Variants in BNC2 observed in about 807,000 individuals in gnomAD.
BNC2 encodes the protein basonuclin zinc finger protein 2, also known as zinc finger protein basonuclin-2.
A neutral mutation model predicts 76.3 loss-of-function variants in BNC2; 20 were observed. The ratio of observed to expected loss-of-function variants is 0.26; its 90% CI spans 0.18 to 0.38. The LOEUF is 0.38. BNC2 is among the 10% of genes least tolerant of loss of function. The pLI, the probability that BNC2 is intolerant of heterozygous loss-of-function variation, is 1.00. For synonymous variants in BNC2, 582 were observed against 514.8 expected (o/e 1.13, Z -1.77); for missense variants, 1,382 against 1,399.8 (o/e 0.99, Z 0.20).
intron 3 of BNC2, among the ~76,000 whole-genome samples, chr9:16,622,432 G>T (rs1184422876): frequency 6.6e-6 from 1 of 152,148 alleles, no homozygotes; most frequent in Non-Finnish European, 1.5e-5. Context: ...GAATATCTAT[G>T]CCTTAAGTGG....
At chr9:16,513,551 C>T (rs1822809115) in intron 5 of BNC2, among the ~76,000 whole-genome samples, 2 of 152,036 alleles carry the variant, frequency 1.3e-5, no homozygotes, top group Admixed American at 6.6e-5. Flanking sequence ...GTGATCCTCC[C>T]GCCTCGGCCT....
chr9:16,446,697 C>T (rs1490146489), intron 5 of BNC2, among the ~76,000 whole-genome samples: 1 of 152,004 alleles, frequency 6.6e-6, no homozygotes, highest in African/African-American at 2.4e-5. Context: ...GATTACGGAC[C>T]AGATAAGAAT....
intron 1 of BNC2, among the ~76,000 whole-genome samples, chr9:16,856,404 G>A (rs949729075): frequency 5.9e-5 from 9 of 152,082 alleles, no homozygotes; most frequent in African/African-American, 2.2e-4. Flanking sequence ...AAAGACCAAT[G>A]CACAGATATA....
intron 3 of BNC2, among the ~76,000 whole-genome samples, chr9:16,633,968 A>G (rs1005135027): frequency 1.3e-5 from 2 of 152,202 alleles, no homozygotes; most frequent in African/African-American, 4.8e-5. Flanking sequence ...GCAAAAGATA[A>G]AACTGTCACA....
chr9:16,475,533 G>A (rs530261046), intron 5 of BNC2, among the ~76,000 whole-genome samples: 2 of 152,282 alleles, frequency 1.3e-5, no homozygotes, highest in South Asian at 2.1e-4. Flanking sequence ...TTTTAATTTT[G>A]TTCTGCTCTA....
intron 3 of BNC2, among the ~76,000 whole-genome samples, chr9:16,672,463 C>G (rs1176184213): frequency 6.6e-6 from 1 of 152,106 alleles, no homozygotes; most frequent in Non-Finnish European, 1.5e-5. Context: ...TGCCACTGCA[C>G]TCCAGCCTGG....
intron 1 of BNC2, among the ~76,000 whole-genome samples, chr9:16,791,301 T>G (rs1411967087): frequency 1.3e-5 from 2 of 152,098 alleles, no homozygotes; most frequent in Non-Finnish European, 2.9e-5. Context: ...GACATCGTGA[T>G]CCGCCTGCCT....
intron 5 of BNC2, among the ~76,000 whole-genome samples, chr9:16,551,344 G>A (rs1375582060): frequency 2.6e-5 from 4 of 152,018 alleles, no homozygotes; most frequent in Admixed American, 1.3e-4. Context: ...CTAACAGCTG[G>A]AGGTACCACA....
chr9:16,657,598 T>C (rs902074617), intron 3 of BNC2, among the ~76,000 whole-genome samples: 2 of 152,160 alleles, frequency 1.3e-5, no homozygotes, highest in Non-Finnish European at 2.9e-5. Flanking sequence ...GAGGTGTGAC[T>C]TGGCCATCAG....
chr9:16,828,137 T>C (rs1481941790), intron 1 of BNC2, among the ~76,000 whole-genome samples: 1 of 152,146 alleles, frequency 6.6e-6, no homozygotes, highest in East Asian at 1.9e-4. Context: ...TTGACAGACA[T>C]AACCAGACAT....
chr9:16,493,270 T>C (rs558608309), intron 5 of BNC2, among the ~76,000 whole-genome samples: 1 of 152,162 alleles, frequency 6.6e-6, no homozygotes, highest in Non-Finnish European at 1.5e-5. Flanking sequence ...GGTTTTAGAC[T>C]CAGGAAACAG....
intron 1 of BNC2, among the ~76,000 whole-genome samples, chr9:16,749,511 G>A (rs1009540887): frequency 2.0e-5 from 3 of 152,038 alleles, no homozygotes; most frequent in Non-Finnish European, 4.4e-5. Context: ...ATCAGCCTGG[G>A]TAACAGAGTG....
intron 1 of BNC2, among the ~76,000 whole-genome samples, chr9:16,761,496 T>C (rs530770516): frequency 3.2e-4 from 48 of 152,330 alleles, no homozygotes; most frequent in African/African-American, 1.1e-3. Context: ...AAAACTATGA[T>C]ATAATCTAAG....
At chr9:16,567,392 A>T (rs1172326676) in intron 4 of BNC2, among the ~76,000 whole-genome samples, 1 of 152,204 alleles carries the variant, frequency 6.6e-6, no homozygotes, top group African/African-American at 2.4e-5. Context: ...TCAGTTTTCA[A>T]ATGTATAAAA....
At chr9:16,795,758 C>A (rs1016712374) in intron 1 of BNC2, among the ~76,000 whole-genome samples, 25 of 152,234 alleles carry the variant, frequency 1.6e-4, no homozygotes, top group African/African-American at 6.0e-4. Context: ...AAGACTTTTA[C>A]AGTAAAGAGA....
chr9:16,464,242 C>T (rs1373473653), intron 5 of BNC2, among the ~76,000 whole-genome samples: 2 of 151,992 alleles, frequency 1.3e-5, no homozygotes, highest in Non-Finnish European at 2.9e-5. Flanking sequence ...ATTTTCTCTC[C>T]AGGCTGATGT....
Position 16,804,891 on chromosome 9 carries a change from G to A in BNC2, c.3+65755C>T, listed in dbSNP as rs376096529. Among the ~76,000 whole-genome samples the A allele has an allele frequency of 5.3e-5, 8 of 151,856 alleles. No individual in the cohort carries two copies. The South Asian group carries it at 6.2e-4, about 12-fold the overall frequency. On this transcript the variant is annotated intron_variant, in intron 1 of 6. Coordinates refer to ENST00000380672, the MANE Select transcript of BNC2 (RefSeq NM_017637.6). ...AGCCTGGCCAATACAGTGAAACCCC[G>A]TCTCTACTAAAAATACAAAAATTAG... is the stretch of plus-strand genomic sequence containing the variant.
Position 16,807,560 on chromosome 9 carries a change from G to C in BNC2, c.3+63086C>G, listed in dbSNP as rs370443232. Among the ~76,000 whole-genome samples, 546 of 152,228 alleles carry C rather than the reference G, an allele frequency of 3.6e-3. 3 individuals are homozygous for C. Among genetic ancestry groups the C allele is most frequent in the African/African-American group, 0.012 (485 of 41,554 alleles). On this transcript the variant is annotated intron_variant, in intron 1 of 6. Transcript: ENST00000380672. ...AGAAAATGAGAAGGAGGTGGAGGGA[G>C]GGGAGGTCAACAGGGAAATGCTCCA... is the stretch of plus-strand genomic sequence containing the variant.
At chr9:16,621,510 A>G (rs1412991185) in intron 3 of BNC2, among the ~76,000 whole-genome samples, 1 of 152,210 alleles carries the variant, frequency 6.6e-6, no homozygotes, top group Non-Finnish European at 1.5e-5. Flanking sequence ...ATGATTCTAG[A>G]GCAATGTGCT....
Sources: gnomAD v4.1 joint callset for allele counts (sites outside exome capture counted in the v4.1 genomes callset) on GRCh38, gnomAD v4.1.1 for gene constraint, MANE v1.5 for transcripts, NCBI Gene and HGNC (gene_info 2026-07-23, HGNC 2026-07-21) for gene names.